TGFBR2: variants seen among roughly 807,000 people sequenced by gnomAD.
TGFBR2 encodes TGF-beta receptor type-2.
Under a neutral mutation model 49.0 loss-of-function variants are expected in TGFBR2, and 18 were observed. The ratio of observed to expected loss-of-function variants is 0.37; its 90% CI spans 0.25 to 0.54. The LOEUF is 0.54. TGFBR2 is among the 20% of genes least tolerant of loss of function. The pLI is 0.85. For synonymous variants in TGFBR2, 282 were observed against 275.9 expected (o/e 1.02, Z -0.22); for missense variants, 525 against 722.6 (o/e 0.73, Z 3.13).
At chr3:30,666,656 A>T (rs1575155343) in intron 3 of TGFBR2, among the ~76,000 whole-genome samples, 2 of 122,106 alleles carry the variant, frequency 1.6e-5, no homozygotes, top group East Asian at 4.5e-4. Context: ...GCCCGCACAA[A>T]CACAGGGTCT....
At chr3:30,607,842 T>C (rs959265616) in intron 1 of TGFBR2, among the ~76,000 whole-genome samples, 1 of 121,950 alleles carries the variant, frequency 8.2e-6, no homozygotes, top group Admixed American at 7.6e-5. Flanking sequence ...TATATAATTA[T>C]ATATATAAAT....
intron 3 of TGFBR2, among the ~76,000 whole-genome samples, chr3:30,666,806 A>AT (rs5847639): frequency 8.8e-5 from 13 of 147,594 alleles, no homozygotes; most frequent in East Asian, 8.0e-4. Flanking sequence ...TGTCTGGCTA[A>AT]TTTTTTTTTT....
rs568680276 is a variant in TGFBR2, at chr3:30,623,615, G to C, written c.94+16638G>C. 2.0e-5 allele frequency among the ~76,000 whole-genome samples: 3 copies of C among 152,294 alleles called. No homozygotes were observed. In the South Asian group the frequency reaches 6.2e-4, roughly 32 times the overall value. On this transcript the variant is annotated intron_variant, in intron 1 of 6. Transcript: ENST00000295754. ...ACACCGTGTGGTCTGCCCTCTTGGA[G>C]GTTGTGTCACCATTATCAGTAGACA...
chr3:30,633,973 A>G (rs556771804), intron 1 of TGFBR2, among the ~76,000 whole-genome samples: 1 of 152,154 alleles, frequency 6.6e-6, no homozygotes, highest in South Asian at 2.1e-4. Context: ...ATATGGTAGT[A>G]CTCTGGCCCT....
rs987342372 is a variant in TGFBR2, at chr3:30,676,663, G to C, written c.1396+2417G>C. Among the ~76,000 whole-genome samples the C allele has an allele frequency of 1.3e-5, 2 of 152,208 alleles. No homozygotes were observed. The highest frequency in any genetic ancestry group is 4.8e-5 in the African/African-American group (2 of 41,448). ...CAAGGCAGATTCAGTTGGCACCACT[G>C]CTGGCTCTGATTCTTCATCCTGTTC... On this transcript the variant is annotated intron_variant, in intron 5 of 6. Coordinates refer to ENST00000295754, the MANE Select transcript of TGFBR2 (RefSeq NM_003242.6). This position sits in a 1 kb window ranked among gnomAD's most constrained non-coding sequence, Gnocchi z 4.3.
chr3:30,651,777 C>T (rs1698892007), intron 3 of TGFBR2, among the ~76,000 whole-genome samples: 1 of 152,192 alleles, frequency 6.6e-6, no homozygotes, highest in South Asian at 2.1e-4. Context: ...CTAAACTATT[C>T]TCCTCCTGAA....
intron 5 of TGFBR2, among the ~76,000 whole-genome samples, chr3:30,678,618 C>G (rs1455752961): frequency 6.7e-6 from 1 of 149,888 alleles, no homozygotes; most frequent in Non-Finnish European, 1.5e-5. Context: ...GGATGCAAGT[C>G]TCCAGTGAAA....
At chr3:30,636,242 G>A (rs553577288) in intron 1 of TGFBR2, among the ~76,000 whole-genome samples, 4 of 150,404 alleles carry the variant, frequency 2.7e-5, no homozygotes, top group South Asian at 2.1e-4. Flanking sequence ...CACCCGGCCC[G>A]TACTAGGTAT....
intron 1 of TGFBR2, among the ~76,000 whole-genome samples, chr3:30,610,332 T>TTG (rs1553624353): frequency 2.6e-5 from 4 of 151,866 alleles, no homozygotes; most frequent in East Asian, 1.9e-4. Context: ...CTCATTTTTT[T>TTG]TTGTTGTTGT....
intron 5 of TGFBR2, among the ~76,000 whole-genome samples, chr3:30,678,862 G>A (rs1699487269): frequency 6.6e-6 from 1 of 152,164 alleles, no homozygotes; most frequent in Non-Finnish European, 1.5e-5. Context: ...TTTCTTGGAT[G>A]TTAACATTAC....
chr3:30,658,299 T>C (rs908130839), intron 3 of TGFBR2, among the ~76,000 whole-genome samples: 13 of 152,242 alleles, frequency 8.5e-5, no homozygotes, highest in Non-Finnish European at 1.5e-5. Flanking sequence ...ATATCACTCT[T>C]GCTTACCAGT....
At position 30,650,270 on chromosome 3, in the gene TGFBR2, G is replaced by T. The variant is rs1215812419; in HGVS notation, c.264G>T (p.Trp88Cys). The change falls in exon 3 of 7, where the codon TGG becomes TGT. Residue 88 changes from tryptophan to cysteine, a missense_variant and splice_region_variant. Coordinates refer to ENST00000295754, the MANE Select transcript of TGFBR2 (RefSeq NM_003242.6). ...CTTCCAATGAATCTCTTCACTCTAG[G>T]AGAAAGAATGACGAGAACATAACAC... ...EKPQEVCVAV[W>C]RKNDENITLE... The T allele has an allele frequency of 6.2e-7, 1 of 1,613,658 alleles. No individual in the cohort carries two copies. Among genetic ancestry groups the T allele is most frequent in the South Asian group, 1.1e-5 (1 of 91,068 alleles).
chr3:30,625,708 A>T (rs1698320731), intron 1 of TGFBR2, among the ~76,000 whole-genome samples: 1 of 152,152 alleles, frequency 6.6e-6, no homozygotes, highest in South Asian at 2.1e-4. Flanking sequence ...TCATCTCCAA[A>T]TGGTACTAGA....
At chr3:30,642,880 A>G (rs1470834384) in intron 1 of TGFBR2, among the ~76,000 whole-genome samples, 2 of 152,216 alleles carry the variant, frequency 1.3e-5, no homozygotes, top group Non-Finnish European at 2.9e-5. Context: ...TTAGCTAAGC[A>G]TAGAGCTCTT....
At chr3:30,673,176 G>T (rs1283949641) in intron 4 of TGFBR2, among the ~76,000 whole-genome samples, 1 of 152,168 alleles carries the variant, frequency 6.6e-6, no homozygotes, top group Non-Finnish European at 1.5e-5. Flanking sequence ...CCATGGCAGC[G>T]CACGCAGTGT....
intron 1 of TGFBR2, among the ~76,000 whole-genome samples, chr3:30,618,622 A>G (rs1698173720): frequency 6.6e-6 from 1 of 152,190 alleles, no homozygotes; most frequent in African/African-American, 2.4e-5. Context: ...TGACATATGT[A>G]GGCCCTAATT....
chr3:30,672,922 G>A lies in TGFBR2; in HGVS notation c.1254+485G>A, dbSNP rs532649182. The stretch of plus-strand genomic sequence containing the variant: ...TAGCACAATGCCTTGAACATTGAAA[G>A]TAAAATAAGTACTTGTCGACTGAGT... On this transcript the variant is annotated intron_variant, in intron 4 of 6. Coordinates refer to ENST00000295754, the MANE Select transcript of TGFBR2 (RefSeq NM_003242.6). The surrounding 1 kb of genome is among the most constrained non-coding windows in gnomAD (Gnocchi z 4.5). 3.9e-5 allele frequency among the ~76,000 whole-genome samples: 6 copies of A among 152,338 alleles called. No homozygotes were observed. Among genetic ancestry groups the A allele is most frequent in the African/African-American group, 1.4e-4 (6 of 41,584 alleles).
chr3:30,615,765 G>A (rs761709465), intron 1 of TGFBR2, among the ~76,000 whole-genome samples: 5 of 151,694 alleles, frequency 3.3e-5, no homozygotes, highest in Non-Finnish European at 7.4e-5. Context: ...CCAGAGATGA[G>A]ATCTCATTCT....
chr3:30,625,779 A>C (rs1698321719), intron 1 of TGFBR2, among the ~76,000 whole-genome samples: 1 of 152,204 alleles, frequency 6.6e-6, no homozygotes, highest in South Asian at 2.1e-4. Flanking sequence ...TATGTATATA[A>C]TAATGTTCTG....
Sources: allele counts gnomAD v4.1 joint callset (sites outside exome capture counted in the v4.1 genomes callset), GRCh38; gene constraint gnomAD v4.1.1; non-coding constraint Gnocchi (gnomAD v3.1); transcripts MANE v1.5; gene names NCBI Gene and HGNC (gene_info 2026-07-23, HGNC 2026-07-21).